ALK: variants seen among roughly 807,000 people sequenced by gnomAD.
ALK encodes ALK receptor tyrosine kinase.
A neutral mutation model predicts 163.1 loss-of-function variants in ALK; 74 were observed. The observed-to-expected ratio is 0.45, with a 90% CI of 0.38 to 0.55. The LOEUF (loss-of-function observed/expected upper bound fraction) is 0.55, where lower values mean the gene tolerates loss of function less well. Ranked by LOEUF, ALK falls within the 20% of genes least tolerant of loss-of-function variation. The probability of loss-of-function intolerance (pLI) is 0.00; values close to 1 mark genes in which losing one functional copy is unlikely to be tolerated. For missense variants in ALK, 2,063 were observed against 2,105.3 expected (o/e 0.98, Z 0.39); for synonymous variants, 960 against 843.2 (o/e 1.14, Z -2.40).
chr2:29,320,558 T>C (rs773111647), intron 7 of ALK, among the ~76,000 whole-genome samples, 193 bp downstream of exon 7: 30 of 152,230 alleles, frequency 2.0e-4, no homozygotes, highest in Non-Finnish European at 4.0e-4. Context: ...AAAGGTGACA[T>C]CTATCTTGGC....
chr2:29,693,542 G>T (rs1023165287), intron 3 of ALK, among the ~76,000 whole-genome samples: 1 of 151,968 alleles, frequency 6.6e-6, no homozygotes, highest in African/African-American at 2.4e-5. Flanking sequence ...AAAACAAAAA[G>T]TCAGCCCAGG....
chr2:29,679,438 CT>C, intron 3 of ALK, among the ~76,000 whole-genome samples: 1 of 150,994 alleles, frequency 6.6e-6, no homozygotes, highest in African/African-American at 2.4e-5. Context: ...TTGTTTCTTC[CT>C]TGCTTTTTCT....
intron 3 of ALK, among the ~76,000 whole-genome samples, chr2:29,643,643 C>G (rs1676784594): frequency 1.3e-5 from 2 of 152,234 alleles, no homozygotes; most frequent in East Asian, 1.9e-4. Flanking sequence ...AACTGTGGCT[C>G]TGTCTTATAA....
chr2:29,565,120 G>C (rs1019584994), intron 3 of ALK, among the ~76,000 whole-genome samples: 1 of 152,232 alleles, frequency 6.6e-6, no homozygotes, highest in Non-Finnish European at 1.5e-5. Context: ...GTGACAACGT[G>C]ATATGGTGCC....
chr2:29,483,279 C>A (rs1242458375), intron 4 of ALK, among the ~76,000 whole-genome samples: 1 of 152,190 alleles, frequency 6.6e-6, no homozygotes, highest in Non-Finnish European at 1.5e-5. Flanking sequence ...TTTCAAAAAA[C>A]ACCAATGTCT....
chr2:29,506,431 C>A (rs1672324308), intron 4 of ALK, among the ~76,000 whole-genome samples: 1 of 152,134 alleles, frequency 6.6e-6, no homozygotes, highest in Admixed American at 6.6e-5. Context: ...TAATGCTTTG[C>A]ACTTTTTAGA....
At chr2:29,207,319 T>TA in intron 25 of ALK, 47 bp from the exon 26 acceptor site, 1 of 1,415,542 alleles carries the variant, frequency 7.1e-7, no homozygotes, top group South Asian at 1.2e-5. Flanking sequence ...GAGATGGCAT[T>TA]AAGCATCTGC....
rs183362473 is a variant in ALK, at chr2:29,661,396, C to T, written c.952+33454G>A. On this transcript the variant is annotated intron_variant, in intron 3 of 28. Transcript: ENST00000389048. ...GCACTGATGCTATGATTGTCAACTC[C>T]AGGACTCACCACACTATCTGGCTCA... Among the ~76,000 whole-genome samples the T allele has an allele frequency of 8.3e-3, 1,262 of 152,256 alleles. 15 individuals carry two copies. The highest frequency in any genetic ancestry group is 0.045 in the South Asian group (216 of 4,818).
At chr2:29,562,982 C>T (rs1336709362) in intron 3 of ALK, among the ~76,000 whole-genome samples, 1 of 152,116 alleles carries the variant, frequency 6.6e-6, no homozygotes, top group Non-Finnish European at 1.5e-5. Flanking sequence ...CATGGAGAGG[C>T]CATTTAAACT....
chr2:29,593,784 T>C (rs1675127301), intron 3 of ALK, among the ~76,000 whole-genome samples: 1 of 152,264 alleles, frequency 6.6e-6, no homozygotes, highest in African/African-American at 2.4e-5. Context: ...TATGTGACTA[T>C]GGCAAACCAG....
intron 1 of ALK, among the ~76,000 whole-genome samples, chr2:29,844,881 A>AGAGG (rs1321744645): frequency 1.3e-5 from 2 of 151,386 alleles, no homozygotes; most frequent in Non-Finnish European, 3.0e-5. Context: ...ACACACACAC[A>AGAGG]CACACACAGA....
chr2:29,531,986 G>A lies in ALK; in HGVS notation c.1083C>T (p.Tyr361=), dbSNP rs146261919. 3 of 1,614,202 alleles carry A rather than the reference G, an allele frequency of 1.9e-6. No individual in the cohort carries two copies. Among genetic ancestry groups the A allele is most frequent in the African/African-American group, 1.3e-5 (1 of 75,064 alleles). ...CGTTGTGGGGCAGCAGCTGGGCAATGTACCTTCCAGAGGGCTGCAGGTGCC... is the reference window on the plus strand; with the variant it reads ...CGTTGTGGGGCAGCAGCTGGGCAATATACCTTCCAGAGGGCTGCAGGTGCC... ...VHRHLQPSGR[Y]IAQLLPHNEA... Residue 361 remains tyrosine, a synonymous_variant, in exon 4 of 29, where the codon TAC becomes TAT. Coordinates refer to ENST00000389048, the MANE Select transcript of ALK (RefSeq NM_004304.5).
intron 4 of ALK, among the ~76,000 whole-genome samples, chr2:29,529,670 G>C (rs1280580302): frequency 6.6e-6 from 1 of 152,238 alleles, no homozygotes; most frequent in Non-Finnish European, 1.5e-5. Context: ...CGCTGCAGTG[G>C]ATGGTCCATT....
chr2:29,329,743 C>T (rs1349085968), intron 5 of ALK, among the ~76,000 whole-genome samples: 1 of 152,210 alleles, frequency 6.6e-6, no homozygotes, highest in Non-Finnish European at 1.5e-5. Context: ...TTTCCTGGTT[C>T]AAAGGACTCT....
At chr2:29,907,795 T>G (rs1420773966) in intron 1 of ALK, among the ~76,000 whole-genome samples, 3 of 152,202 alleles carry the variant, frequency 2.0e-5, no homozygotes, top group African/African-American at 7.2e-5. Context: ...AGGCCCATGC[T>G]TTCATGTGCA....
intron 3 of ALK, among the ~76,000 whole-genome samples, chr2:29,611,396 A>G (rs1452509120): frequency 6.6e-6 from 1 of 152,220 alleles, no homozygotes; most frequent in African/African-American, 2.4e-5. Context: ...GTGCCCATCA[A>G]AAAGTAAACA....
At chr2:29,701,748 C>T (rs1420785615) in intron 2 of ALK, among the ~76,000 whole-genome samples, 3 of 152,112 alleles carry the variant, frequency 2.0e-5, no homozygotes, top group African/African-American at 7.2e-5. Context: ...TGCCAGGCAC[C>T]TTACATGATC....
intron 1 of ALK, among the ~76,000 whole-genome samples, chr2:29,899,034 A>G (rs1445210887): frequency 2.0e-5 from 3 of 152,064 alleles, no homozygotes; most frequent in Non-Finnish European, 4.4e-5. Flanking sequence ...ATTGCTGAAT[A>G]GTTCAAATCA....
intron 4 of ALK, among the ~76,000 whole-genome samples, chr2:29,498,644 T>C (rs1157804773): frequency 6.6e-6 from 1 of 152,274 alleles, no homozygotes; most frequent in African/African-American, 2.4e-5. Context: ...CATGGCCTTT[T>C]GCTTATGCAT....
Sources: allele counts gnomAD v4.1 joint callset (sites outside exome capture counted in the v4.1 genomes callset), GRCh38; gene constraint gnomAD v4.1.1; transcripts MANE v1.5; gene names NCBI Gene and HGNC (gene_info 2026-07-23, HGNC 2026-07-21).